The following WDPCP variants were observed in gnomAD, a reference collection of about 807,000 sequenced individuals.
The protein encoded by WDPCP is WD repeat containing planar cell polarity effector.
WDPCP carries 71 observed loss-of-function variants against 93.1 expected under a neutral mutation model. That is an observed-to-expected ratio of 0.76 (90% CI 0.63 to 0.93). The LOEUF is 0.93. Among genes scored for constraint, WDPCP ranks in the 40% least tolerant of loss-of-function variants. WDPCP has a pLI of 0.00. For missense variants in WDPCP, 844 were observed against 887.4 expected, an observed-to-expected ratio of 0.95 and a Z score of 0.62; for synonymous variants, 315 against 315.0, an observed-to-expected ratio of 1.00 and a Z score of 0.00.
chr2:63,249,830 C>T (rs755594460), intron 14 of WDPCP, among the ~76,000 whole-genome samples: 3 of 152,178 alleles, frequency 2.0e-5, no homozygotes, highest in Non-Finnish European at 4.4e-5. Flanking sequence ...GCTGTCAATT[C>T]GAACACCTTT....
chr2:63,124,219 CTTTG>C (rs199679646), intron 17 of WDPCP, among the ~76,000 whole-genome samples: 633 of 150,558 alleles, frequency 4.2e-3, no homozygotes, highest in African/African-American at 0.013. Context: ...GGTAGTTTTG[CTTTG>C]TTTGTTTCCT....
At chr2:63,523,815 G>A (rs1703121339) in intron 1 of WDPCP, among the ~76,000 whole-genome samples, 1 of 152,210 alleles carries the variant, frequency 6.6e-6, no homozygotes, top group Non-Finnish European at 1.5e-5. Flanking sequence ...GGAGGCTGAG[G>A]CAGGAGAATT....
chr2:63,402,759 T>C (rs1361572666), intron 10 of WDPCP, among the ~76,000 whole-genome samples: 2 of 152,016 alleles, frequency 1.3e-5, no homozygotes, highest in Non-Finnish European at 2.9e-5. Context: ...ATGGCTATTA[T>C]TAAAAAGTAA....
At chr2:63,798,191 G>A (rs1670643174) in intron 2 of WDPCP, among the ~76,000 whole-genome samples, 2 of 152,118 alleles carry the variant, frequency 1.3e-5, no homozygotes, top group South Asian at 4.1e-4. Flanking sequence ...ACTTCACTTA[G>A]AAAGAAAACA....
chr2:63,395,368 T>C (rs1247954234), intron 10 of WDPCP, among the ~76,000 whole-genome samples: 1 of 152,170 alleles, frequency 6.6e-6, no homozygotes, highest in Non-Finnish European at 1.5e-5. Context: ...CAGTATTTCA[T>C]CCCTCACCCC....
At chr2:63,182,567 C>T (rs1183171307) in intron 14 of WDPCP, among the ~76,000 whole-genome samples, 2 of 151,952 alleles carry the variant, frequency 1.3e-5, no homozygotes, top group Admixed American at 6.6e-5. Flanking sequence ...CAGATTTTTG[C>T]ATCTATGTTC....
intron 17 of WDPCP, among the ~76,000 whole-genome samples, chr2:63,127,662 CATAT>C (rs67091232): frequency 0.27 from 35,346 of 131,426 alleles, 4,628 homozygotes; most frequent in African/African-American, 0.32. Context: ...TGTGTATGTG[CATAT>C]ATATATATAT....
chr2:63,412,094 C>T (rs556209315), intron 9 of WDPCP, among the ~76,000 whole-genome samples: 4 of 152,014 alleles, frequency 2.6e-5, no homozygotes, highest in South Asian at 2.1e-4. Context: ...AACTACAGAC[C>T]GATATCCTTG....
At chr2:63,828,618 A>G (rs139018579), upstream of WDPCP, among the ~76,000 whole-genome samples, 425 of 152,282 alleles carry the variant, frequency 2.8e-3, 6 homozygotes, top group East Asian at 0.023. Flanking sequence ...CTGTGTAACT[A>G]TGCAGATGGC....
chr2:63,178,006 T>G (rs961219340), intron 14 of WDPCP, among the ~76,000 whole-genome samples: 1 of 152,212 alleles, frequency 6.6e-6, no homozygotes, highest in Non-Finnish European at 1.5e-5. Flanking sequence ...TCATCTTTCA[T>G]TCTGTTAATG....
intron 10 of WDPCP, among the ~76,000 whole-genome samples, chr2:63,385,953 G>A (rs1360423584): frequency 6.6e-6 from 1 of 151,990 alleles, no homozygotes; most frequent in Non-Finnish European, 1.5e-5. Flanking sequence ...GTTATTGATA[G>A]ATCAAAGTAA....
rs561692273 is a variant in WDPCP, at chr2:63,632,025, G to A, written n.488+18634C>T. The stretch of plus-strand genomic sequence containing the variant: ...TGCTGAGCACCCCCACAAAAGGATA[G>A]GCTGTTATGTATGTTGAGGACCCCT... On this transcript the variant is annotated intron_variant and non_coding_transcript_variant, in intron 3 of 4. Transcript: ENST00000467687. Among the ~76,000 whole-genome samples, 11 of 152,294 alleles carry A rather than the reference G, an allele frequency of 7.2e-5. No individual in the cohort carries two copies. In the East Asian group the frequency reaches 1.5e-3, roughly 21 times the overall value.
intron 1 of WDPCP, among the ~76,000 whole-genome samples, chr2:63,494,822 A>G (rs973706830): frequency 4.7e-5 from 7 of 149,968 alleles, no homozygotes; most frequent in Non-Finnish European, 1.0e-4. Flanking sequence ...CGGGAGGCTG[A>G]GGCAGGAGAA....
intron 2 of WDPCP, among the ~76,000 whole-genome samples, chr2:63,728,468 C>T (rs1669519762): frequency 6.6e-6 from 1 of 152,198 alleles, no homozygotes; most frequent in Non-Finnish European, 1.5e-5. Flanking sequence ...ATTCTGACCA[C>T]TAGGCTGGCT....
intron 1 of WDPCP, among the ~76,000 whole-genome samples, chr2:63,580,006 C>T (rs1451643425): frequency 1.3e-5 from 2 of 152,168 alleles, no homozygotes; most frequent in Admixed American, 6.5e-5. Flanking sequence ...GTCTCTCACA[C>T]TTGCTTGCCA....
At chr2:63,699,490 T>C (rs1669013590) in intron 2 of WDPCP, among the ~76,000 whole-genome samples, 1 of 152,186 alleles carries the variant, frequency 6.6e-6, no homozygotes, top group South Asian at 2.1e-4. Flanking sequence ...GGGACGGTTG[T>C]TCCCACTAAG....
At chr2:63,146,551 G>T (rs1671523744) in intron 17 of WDPCP, among the ~76,000 whole-genome samples, 1 of 151,856 alleles carries the variant, frequency 6.6e-6, no homozygotes, top group African/African-American at 2.4e-5. Context: ...GCTAATTTTT[G>T]TATTTTTAGT....
chr2:63,665,705 G>A (rs1262074465), intron 2 of WDPCP, among the ~76,000 whole-genome samples: 1 of 152,222 alleles, frequency 6.6e-6, no homozygotes, highest in African/African-American at 2.4e-5. Flanking sequence ...GGTGGCTGGA[G>A]ATTTGGCAAG....
At chr2:63,577,521 G>A (rs2106528224) in intron 1 of WDPCP, among the ~76,000 whole-genome samples, 1 of 152,140 alleles carries the variant, frequency 6.6e-6, no homozygotes, top group Admixed American at 6.5e-5. Context: ...AATATTTTAT[G>A]TAGACAGAAA....
Sources: allele counts gnomAD v4.1 joint callset (sites outside exome capture counted in the v4.1 genomes callset), GRCh38; gene constraint gnomAD v4.1.1; transcripts MANE v1.5; gene names NCBI Gene and HGNC (gene_info 2026-07-23, HGNC 2026-07-21).